ABCA7: variants seen among roughly 807,000 people sequenced by gnomAD.
ABCA7 encodes the protein phospholipid-transporting ATPase ABCA7.
A neutral mutation model predicts 227.6 loss-of-function variants in ABCA7; 261 were observed. The observed-to-expected ratio is 1.15, with a 90% confidence interval of 1.04 to 1.27. ABCA7 has a LOEUF of 1.27. Ranked by LOEUF, ABCA7 falls within the 50% of genes most tolerant of loss-of-function variation. The probability of loss-of-function intolerance (pLI) is 0.00; values close to 1 mark genes in which losing one functional copy is unlikely to be tolerated. For synonymous variants in ABCA7, 1,488 were observed against 1,279.7 expected, an observed-to-expected ratio of 1.16 and a Z score of -3.47; for missense variants, 3,331 against 2,924.5, an observed-to-expected ratio of 1.14 and a Z score of -3.21.
Position 1,045,114 on chromosome 19 carries a change from C to G in ABCA7, c.1328C>G (p.Pro443Arg). 1 of 1,613,020 alleles carries G rather than the reference C, an allele frequency of 6.2e-7. No homozygotes were observed. The highest frequency in any genetic ancestry group is 8.5e-7 in the Non-Finnish European group (1 of 1,179,998). ...RFWAGVVFLG[P>R]EDSSDPTEHP... is the part of the protein sequence containing the mutation. The stretch of plus-strand genomic sequence containing the variant: ...TGGGCCGGCGTCGTCTTCTTGGGAC[C>G]TGAGGACTCTTCAGACCCCACAGAG... The change falls in exon 12 of 47, where the codon CCT becomes CGT. Residue 443 changes from proline to arginine, a missense_variant. Pro to Arg is a moderately radical substitution (Grantham distance 103). Coordinates refer to ENST00000263094, the MANE Select transcript of ABCA7 (RefSeq NM_019112.4).
Position 1,054,737 on chromosome 19 carries a change from C to A in ABCA7, c.3851+43C>A, listed in dbSNP as rs558068003. 8.7e-6 allele frequency: 14 copies of A among 1,607,476 alleles called. No individual in the cohort carries two copies. The highest frequency in any genetic ancestry group is 1.7e-4 in the Middle Eastern group (1 of 6,056). ...GGGCTGGTGGCAGGAAGACTAGGGA[C>A]CTGGGGGTACAGCCCTGACCCTACA... On this transcript the variant is annotated intron_variant, in intron 28 of 46. Transcript: ENST00000263094. This position sits in a 1 kb window ranked among gnomAD's most constrained non-coding sequence, Gnocchi z 4.8.
In ABCA7 at chr19:1,056,292, C is replaced by A; in HGVS notation, c.4417-38C>A. The stretch of plus-strand genomic sequence containing the variant: ...GCGTCCTGTCACAGCAAGGTCCAAC[C>A]CCATTGCTCTGACCCTATGACCTTG... On this transcript the variant is annotated intron_variant, in intron 32 of 46. Coordinates refer to ENST00000263094, the MANE Select transcript of ABCA7 (RefSeq NM_019112.4). The surrounding 1 kb of genome is among the most constrained non-coding windows in gnomAD (Gnocchi z 4.3). 1 of 1,603,908 alleles carries A rather than the reference C, an allele frequency of 6.2e-7. No individual in the cohort carries two copies. The highest frequency in any genetic ancestry group is 8.5e-7 in the Non-Finnish European group (1 of 1,174,186).
chr19:1,053,281 G>C, intron 23 of ABCA7, 48 bp from the exon 24 acceptor site: 1 of 1,563,330 alleles, frequency 6.4e-7, no homozygotes, highest in Non-Finnish European at 8.7e-7. Context: ...GGGAGACTGG[G>C]GTGGGGCGTG....
chr19:1,055,613 C>T (rs962047197), intron 30 of ABCA7, among the ~76,000 whole-genome samples: 16 of 150,556 alleles, frequency 1.1e-4, no homozygotes, highest in African/African-American at 3.9e-4. Flanking sequence ...AGCGATTCTC[C>T]TCCCTCAGCC....
rs141515421 is a variant in ABCA7 at position 1,054,620 on chromosome 19, C to T, written c.3777C>T (p.Ile1259=). ...FVGLALVFSL[I]VPPFGHYPAL... ...GCCTGGCCCTCGTGTTCAGCCTCAT[C>T]GTGCCTCCTTTCGGGCACTACCCGG... The change falls in exon 28 of 47, where the codon ATC becomes ATT. Residue 1259 remains isoleucine, a synonymous_variant. Coordinates refer to ENST00000263094, the MANE Select transcript of ABCA7 (RefSeq NM_019112.4). This position sits in a 1 kb window ranked among gnomAD's most constrained non-coding sequence, Gnocchi z 4.8. 1.7e-5 allele frequency: 27 copies of T among 1,613,218 alleles called. No individual in the cohort carries two copies. Among genetic ancestry groups the T allele is most frequent in the African/African-American group, 2.7e-5 (2 of 74,896 alleles).
rs993256685 is a variant in ABCA7 at position 1,065,299 on chromosome 19, G to T, written c.6315G>T (p.Gly2105=). Residue 2105 remains glycine, a synonymous_variant, in exon 47 of 47, where the codon GGG becomes GGT. Transcript: ENST00000263094. ...TCTTGTACTTCTCCAAGGACCAGGG[G>T]AAGGACGAGGACACCGAAGAGCAGA... is the stretch of plus-strand genomic sequence containing the variant. The part of the protein sequence containing the change: ...EVFLYFSKDQ[G]KDEDTEEQKE... The T allele has an allele frequency of 6.2e-7, 1 of 1,613,546 alleles. No individual in the cohort carries two copies.
chr19:1,065,075 G>A lies in ABCA7; in HGVS notation c.6189G>A (p.Gly2063=), dbSNP rs1348723505. 1 of 1,568,134 alleles carries A rather than the reference G, an allele frequency of 6.4e-7. No homozygotes were observed. ...GRLRFQLPPG[G]RCALARVFGE... Reference sequence around the variant, plus strand: ...TGCGCTTCCAGCTGCCGCCGGGAGGGCGCTGCGCCCTGGCGCGCGTCTTTG... The same window carrying A: ...TGCGCTTCCAGCTGCCGCCGGGAGGACGCTGCGCCCTGGCGCGCGTCTTTG... Residue 2063 remains glycine, a synonymous_variant, in exon 46 of 47, where the codon GGG becomes GGA. Coordinates refer to ENST00000263094, the MANE Select transcript of ABCA7 (RefSeq NM_019112.4).
Position 1,055,900 on chromosome 19 carries a change from C to T in ABCA7, c.4206-7C>T. On this transcript the variant is annotated splice_region_variant and splice_polypyrimidine_tract_variant and intron_variant, in intron 30 of 46. Coordinates refer to ENST00000263094, the MANE Select transcript of ABCA7 (RefSeq NM_019112.4). ...TCTGCCTGTGTCTCTGTCCATCTCT[C>T]CCACAGCCTGAAGACTAAGAAGTGG... 3 of 1,589,208 alleles carry T rather than the reference C, an allele frequency of 1.9e-6. No homozygotes were observed. The highest frequency in any genetic ancestry group is 2.6e-6 in the Non-Finnish European group (3 of 1,167,078).
At chr19:1,046,580 TG>T (rs3834987) in intron 13 of ABCA7, among the ~76,000 whole-genome samples, 174 bp downstream of exon 13, 27,196 of 134,254 alleles carry the variant, frequency 0.2, 2,696 homozygotes, top group East Asian at 0.42. Context: ...GAGGGTCTGG[TG>T]GGGGGGGGGA....
chr19:1,045,793 G>C (rs1050440530), intron 12 of ABCA7, among the ~76,000 whole-genome samples: 2 of 151,934 alleles, frequency 1.3e-5, no homozygotes, highest in Non-Finnish European at 2.9e-5. Flanking sequence ...GAGGTCAGGA[G>C]ATCAAGACCA....
rs769443743 is a variant in ABCA7, at chr19:1,054,206, A to T, written c.3591A>T (p.Pro1197=). ...LENGEPAGSA[P]ETDQGSGPDA... ...CATCCCTCACAGCTGGGTCAGCCCC[A>T]GAGACTGACCAGGGCTCTGGGCCAG... Residue 1197 remains proline, a synonymous_variant, in exon 27 of 47, where the codon CCA becomes CCT. Coordinates refer to ENST00000263094, the MANE Select transcript of ABCA7 (RefSeq NM_019112.4). This position sits in a 1 kb window ranked among gnomAD's most constrained non-coding sequence, Gnocchi z 4.8. 14 of 1,609,284 alleles carry T rather than the reference A, an allele frequency of 8.7e-6. No homozygotes were observed. The highest frequency in any genetic ancestry group is 1.2e-5 in the Non-Finnish European group (14 of 1,177,610).
chr19:1,050,437 T>C (rs1010128371), intron 18 of ABCA7, among the ~76,000 whole-genome samples: 1 of 135,376 alleles, frequency 7.4e-6, no homozygotes, highest in Non-Finnish European at 1.6e-5. Context: ...AACAAATAAA[T>C]AAAAATAAGG....
chr19:1,064,756 C>T (rs2042929520), intron 45 of ABCA7, 175 bp from the exon 46 acceptor site: 1 of 1,052,510 alleles, frequency 9.5e-7, no homozygotes, highest in Non-Finnish European at 1.3e-6. Flanking sequence ...TGGTGTGTGC[C>T]TGTGGTCTCA....
rs774198527 is a variant in ABCA7 at position 1,049,362 on chromosome 19, G to A, written c.2477G>A (p.Gly826Glu). The A allele has an allele frequency of 5.6e-6, 9 of 1,611,500 alleles. No individual in the cohort carries two copies. In the South Asian group the frequency reaches 8.8e-5, roughly 16 times the overall value. The change falls in exon 18 of 47, where the codon GGG becomes GAG. Residue 826 changes from glycine (G) to glutamate (E), a missense_variant. Transcript: ENST00000263094. ...GGAAGCCCGCAGCCAGCCCTGCGGG[G>A]GCTCAGCCTGGACTTCTACCAGGGC... ...FPGSPQPALR[G>E]LSLDFYQGHI...
rs1419742426 is a variant in ABCA7, at chr19:1,042,166, A to T, written c.405A>T (p.Ala135=). Residue 135 remains alanine, a synonymous_variant, in exon 5 of 47, where the codon GCA becomes GCT. Transcript: ENST00000263094. ...AGCTGATCGCCACGCTGAGGGCTGC[A>T]CGCAGCACGGGTGAGGAGGCCGGGG... The part of the protein sequence containing the change: ...LGKLIATLRA[A]RSTAQPQPTK... The T allele has an allele frequency of 6.2e-7, 1 of 1,600,754 alleles. No homozygotes were observed. The highest frequency in any genetic ancestry group is 1.1e-5 in the South Asian group (1 of 90,930).
At position 1,056,325 on chromosome 19, in the gene ABCA7, C is replaced by T. The variant is rs751811387; in HGVS notation, c.4417-5C>T. 1 of 1,612,846 alleles carries T rather than the reference C, an allele frequency of 6.2e-7. No individual in the cohort carries two copies. On this transcript the variant is annotated splice_polypyrimidine_tract_variant and splice_region_variant and intron_variant, in intron 32 of 46. Transcript: ENST00000263094. The surrounding 1 kb of genome is among the most constrained non-coding windows in gnomAD (Gnocchi z 4.3). Reference sequence around the variant, plus strand: ...TCTGACCCTATGACCTTGACCCCCACCCAGATCTGGTTCAACAACAAAGGC... The same window carrying T: ...TCTGACCCTATGACCTTGACCCCCATCCAGATCTGGTTCAACAACAAAGGC...
At chr19:1,042,895 C>G in intron 7 of ABCA7, 69 bp downstream of exon 7, 11 of 1,521,484 alleles carry the variant, frequency 7.2e-6, no homozygotes, top group Non-Finnish European at 9.7e-6. Context: ...CCGGGAGGGT[C>G]TGGGGCAGCC....
Position 1,041,319 on chromosome 19 carries a change from C to A in ABCA7, c.-43C>A, listed in dbSNP as rs772358835. The A allele has an allele frequency of 6.9e-6, 11 of 1,605,830 alleles. No individual in the cohort carries two copies. In the South Asian group the frequency reaches 9.9e-5, roughly 14 times the overall value. On this transcript the variant is annotated 5_prime_UTR_variant, in exon 2 of 47. Transcript: ENST00000263094. ...CCGCACCGCACGTCTTCAGCCCGAC[C>A]GTTGTCCTGACCTCTCTGTCCCGTC...
In ABCA7 at chr19:1,042,795, T is replaced by A; in HGVS notation, c.548T>A (p.Leu183Ter). 6.2e-7 allele frequency: 1 copy of A among 1,612,348 alleles called. No homozygotes were observed. The highest frequency in any genetic ancestry group is 2.2e-5 in the East Asian group (1 of 44,866). ...LGQAQEPLHS[L>*]LEAAEDLAQE... ...CAAGCCCAGGAGCCCTTGCACAGCTTGTTGGAGGCCGCTGAGGACCTGGCC... is the reference window on the plus strand; with the variant it reads ...CAAGCCCAGGAGCCCTTGCACAGCTAGTTGGAGGCCGCTGAGGACCTGGCC... Residue 183 changes from leucine (L) to a stop codon, truncating the protein, a stop_gained, in exon 7 of 47, where the codon TTG (leucine) becomes TAG (stop). Coordinates refer to ENST00000263094, the MANE Select transcript of ABCA7 (RefSeq NM_019112.4). LOFTEE classifies it high-confidence loss of function.
Sources: allele counts gnomAD v4.1 joint callset (sites outside exome capture counted in the v4.1 genomes callset), GRCh38; gene constraint gnomAD v4.1.1; non-coding constraint Gnocchi (gnomAD v3.1); transcripts MANE v1.5; gene names NCBI Gene and HGNC (gene_info 2026-07-23, HGNC 2026-07-21).